Variants in AFG2A observed in about 807,000 individuals in gnomAD.
AFG2A encodes ATPase family gene 2 protein homolog A.
At chr4:122,941,162 C>G in the AFG2A span, among the ~76,000 whole-genome samples, 1 of 151,448 alleles carries the variant, frequency 6.6e-6, no homozygotes, top group Non-Finnish European at 1.5e-5. Flanking sequence ...TTTTCCAATT[C>G]TGTGAAGAAA....
chr4:123,304,402 A>G, the AFG2A span, among the ~76,000 whole-genome samples: 1 of 152,024 alleles, frequency 6.6e-6, no homozygotes, highest in African/African-American at 2.4e-5. Context: ...ATCACTCTCT[A>G]CTGGGTTCCT....
At chr4:123,273,419 AAT>A in the AFG2A span, among the ~76,000 whole-genome samples, 2 of 152,252 alleles carry the variant, frequency 1.3e-5, no homozygotes, top group Admixed American at 6.5e-5. Flanking sequence ...TTTCATTGAA[AAT>A]ATGATTCACT....
chr4:123,060,336 T>C, the AFG2A span, among the ~76,000 whole-genome samples: 1 of 152,254 alleles, frequency 6.6e-6, no homozygotes, highest in Admixed American at 6.5e-5. Flanking sequence ...CACATTTCCC[T>C]TCCACTCTGT....
chr4:123,019,561 G>A, the AFG2A span, among the ~76,000 whole-genome samples: 1 of 152,048 alleles, frequency 6.6e-6, no homozygotes, highest in African/African-American at 2.4e-5. Context: ...TCAACAAGGT[G>A]GGAATTGCTG....
the AFG2A span, among the ~76,000 whole-genome samples, chr4:123,139,524 A>T: frequency 2.0e-5 from 3 of 151,936 alleles, no homozygotes; most frequent in Non-Finnish European, 4.4e-5. Flanking sequence ...TGGAAAAGCC[A>T]CAGGTAACAG....
At chr4:123,318,958 A>G in the AFG2A span, 1 of 152,292 alleles carries the variant, frequency 6.6e-6, no homozygotes, top group East Asian at 1.9e-4. Flanking sequence ...ATTCTTTCGG[A>G]TGTCAGGGAT....
the AFG2A span, among the ~76,000 whole-genome samples, chr4:123,128,007 TTCCTGTTTTGTGTTCACAA>T: frequency 6.6e-6 from 1 of 152,166 alleles, no homozygotes; most frequent in Non-Finnish European, 1.5e-5. Context: ...ATTACTGTAT[TTCCTGTTTTGTGTTCACAA>T]TGAGAAGATT....
the AFG2A span, among the ~76,000 whole-genome samples, chr4:122,971,209 C>T: frequency 3.0e-4 from 45 of 152,208 alleles, no homozygotes; most frequent in Non-Finnish European, 5.7e-4. Context: ...GAGCTTGAGA[C>T]GAGCCTGGGC....
the AFG2A span, among the ~76,000 whole-genome samples, chr4:123,275,183 C>T: frequency 6.6e-6 from 1 of 152,036 alleles, no homozygotes; most frequent in African/African-American, 2.4e-5. Flanking sequence ...TAAAACATAC[C>T]ATTTCTTTCC....
At chr4:123,252,215 T>G in the AFG2A span, among the ~76,000 whole-genome samples, 1 of 152,188 alleles carries the variant, frequency 6.6e-6, no homozygotes, top group African/African-American at 2.4e-5. Context: ...CCATTACATT[T>G]GTTAACATTC....
the AFG2A span, among the ~76,000 whole-genome samples, chr4:123,229,741 A>G: frequency 6.6e-6 from 1 of 151,970 alleles, no homozygotes; most frequent in African/African-American, 2.4e-5. Context: ...ATTATTAGAT[A>G]TCTTTATTTG....
the AFG2A span, among the ~76,000 whole-genome samples, chr4:123,132,715 A>G: frequency 1.3e-5 from 2 of 150,946 alleles, no homozygotes; most frequent in Non-Finnish European, 2.9e-5. Context: ...ATTGTGAATA[A>G]TGCTTCAATG....
the AFG2A span, among the ~76,000 whole-genome samples, chr4:123,235,440 T>A: frequency 6.6e-6 from 1 of 152,128 alleles, no homozygotes; most frequent in South Asian, 2.1e-4. Context: ...CCAAAGGTGG[T>A]GTTAACTTGA....
At chr4:123,021,480 A>G in the AFG2A span, among the ~76,000 whole-genome samples, 1 of 151,568 alleles carries the variant, frequency 6.6e-6, no homozygotes, top group African/African-American at 2.4e-5. Flanking sequence ...AAACCCCACT[A>G]CTCCTTCTTT....
the AFG2A span, among the ~76,000 whole-genome samples, chr4:122,959,980 G>A: frequency 6.6e-6 from 1 of 152,168 alleles, no homozygotes; most frequent in Admixed American, 6.5e-5. Context: ...TTGTGATTGG[G>A]TGTGAAGCTT....
the AFG2A span, among the ~76,000 whole-genome samples, chr4:123,107,490 A>G: frequency 6.6e-6 from 1 of 152,204 alleles, no homozygotes; most frequent in Non-Finnish European, 1.5e-5. Context: ...TGATTGGTCC[A>G]TGGGTGGCCA....
At chr4:122,923,886 C>G in the AFG2A span, among the ~76,000 whole-genome samples, 3 of 152,182 alleles carry the variant, frequency 2.0e-5, no homozygotes, top group African/African-American at 4.8e-5. Flanking sequence ...TCAGGCTACA[C>G]AGGTGCTAAG....
the AFG2A span, among the ~76,000 whole-genome samples, chr4:123,246,592 T>A: frequency 6.6e-6 from 1 of 152,154 alleles, no homozygotes; most frequent in African/African-American, 2.4e-5. Flanking sequence ...TCCCAAAATT[T>A]TTCATGACAT....
chr4:123,002,496 C>T, the AFG2A span, among the ~76,000 whole-genome samples: 1 of 152,030 alleles, frequency 6.6e-6, no homozygotes, highest in Non-Finnish European at 1.5e-5. Flanking sequence ...TTAGGGCAGG[C>T]CTGGTGGTGA....
Sources: allele counts gnomAD v4.1 joint callset (sites outside exome capture counted in the v4.1 genomes callset), GRCh38; gene constraint gnomAD v4.1.1; transcripts MANE v1.5; gene names NCBI Gene and HGNC (gene_info 2026-07-23, HGNC 2026-07-21).